Variants in RHBDD1 observed in about 807,000 individuals in gnomAD.
The protein encoded by RHBDD1 is rhomboid-related protein 4.
RHBDD1 carries 38 observed loss-of-function variants against 36.3 expected under a neutral mutation model. The ratio of observed to expected loss-of-function variants is 1.05; its 90% CI spans 0.81 to 1.37. The LOEUF is 1.37. Ranked by LOEUF, RHBDD1 falls within the 40% of genes most tolerant of loss-of-function variation. The pLI is 0.00. For missense variants in RHBDD1, 393 were observed against 377.6 expected (o/e 1.04, Z -0.34); for synonymous variants, 151 against 136.5 (o/e 1.11, Z -0.74).
intron 5 of RHBDD1, among the ~76,000 whole-genome samples, chr2:226,881,988 T>C (rs920017215): frequency 2.0e-5 from 3 of 152,228 alleles, no homozygotes; most frequent in South Asian, 4.1e-4. Context: ...TATATAGTAA[T>C]AGACCTTAAC....
the RHBDD1 span, among the ~76,000 whole-genome samples, chr2:226,814,170 G>T: frequency 2.6e-5 from 4 of 152,130 alleles, no homozygotes; most frequent in South Asian, 8.3e-4. Flanking sequence ...ATGTGGACTC[G>T]AGTAAAGTGA....
At chr2:226,930,218 A>G (rs1457652082) in intron 8 of RHBDD1, among the ~76,000 whole-genome samples, 1 of 152,100 alleles carries the variant, frequency 6.6e-6, no homozygotes, top group Admixed American at 6.6e-5. Flanking sequence ...CGAAGCAAAA[A>G]GAACAATCCA....
chr2:226,870,766 T>C (rs1409143258), intron 5 of RHBDD1, among the ~76,000 whole-genome samples: 1 of 152,142 alleles, frequency 6.6e-6, no homozygotes, highest in Non-Finnish European at 1.5e-5. Flanking sequence ...GAAAATAAAA[T>C]GTTATTAAGA....
At chr2:226,862,461 T>C (rs1465462852) in intron 3 of RHBDD1, among the ~76,000 whole-genome samples, 2 of 151,996 alleles carry the variant, frequency 1.3e-5, no homozygotes, top group African/African-American at 4.8e-5. Flanking sequence ...TGGGGGCCAA[T>C]TAATCTCCAC....
At chr2:226,838,882 A>T (rs1941303563) in intron 2 of RHBDD1, among the ~76,000 whole-genome samples, 1 of 152,238 alleles carries the variant, frequency 6.6e-6, no homozygotes, top group South Asian at 2.1e-4. Flanking sequence ...GGATGTTTAC[A>T]GCAAGGTAAA....
chr2:226,970,402 C>G (rs979780454), intron 8 of RHBDD1, among the ~76,000 whole-genome samples: 12 of 152,072 alleles, frequency 7.9e-5, no homozygotes, highest in South Asian at 2.1e-4. Flanking sequence ...TTTTTTCCCC[C>G]CTTTTTAACC....
chr2:226,926,634 A>G (rs1949688991), intron 8 of RHBDD1, among the ~76,000 whole-genome samples: 1 of 152,180 alleles, frequency 6.6e-6, no homozygotes, highest in Non-Finnish European at 1.5e-5. Context: ...TGTTCTTCAG[A>G]TTGCATCAGG....
At chr2:226,901,401 A>G (rs1400553273) in intron 5 of RHBDD1, among the ~76,000 whole-genome samples, 2 of 152,196 alleles carry the variant, frequency 1.3e-5, no homozygotes, top group East Asian at 3.8e-4. Context: ...ATATATGCAG[A>G]AGTAGAATTG....
intron 8 of RHBDD1, among the ~76,000 whole-genome samples, chr2:226,958,230 A>G (rs191858610): frequency 1.3e-5 from 2 of 152,360 alleles, no homozygotes; most frequent in African/African-American, 2.4e-5. Flanking sequence ...ACAGGCTACA[A>G]TGTGGATGAA....
chr2:226,979,147 G>A (rs944756849), intron 8 of RHBDD1, among the ~76,000 whole-genome samples: 5 of 152,160 alleles, frequency 3.3e-5, no homozygotes, highest in East Asian at 1.9e-4. Flanking sequence ...GCAGCCGTCA[G>A]TCTGAGGCCC....
the RHBDD1 span, among the ~76,000 whole-genome samples, chr2:226,802,015 C>T: frequency 6.6e-6 from 1 of 151,934 alleles, no homozygotes; most frequent in African/African-American, 2.4e-5. Flanking sequence ...TACCTCCGTC[C>T]CTCCACCCCC....
intron 8 of RHBDD1, among the ~76,000 whole-genome samples, chr2:226,940,666 C>T (rs1181931985): frequency 6.6e-6 from 1 of 152,056 alleles, no homozygotes; most frequent in East Asian, 1.9e-4. Flanking sequence ...GTGAGATAGG[C>T]AGTACTGTTT....
intron 5 of RHBDD1, among the ~76,000 whole-genome samples, chr2:226,886,140 A>G (rs1157650326): frequency 6.6e-6 from 1 of 152,192 alleles, no homozygotes; most frequent in Non-Finnish European, 1.5e-5. Flanking sequence ...CTACCATAGC[A>G]CCCTATTTTT....
chr2:226,998,685 C>G lies in RHBDD1; in HGVS notation c.*3163C>G, dbSNP rs1293631837. 6.6e-6 allele frequency: 1 copy of G among 152,054 alleles called. No homozygotes were observed. Among genetic ancestry groups the G allele is most frequent in the Non-Finnish European group, 1.5e-5 (1 of 68,020 alleles). 9.4% of individuals were successfully genotyped at this position (152,054 alleles called of 1,614,324 possible). On this transcript the variant is annotated 3_prime_UTR_variant, in exon 9 of 9. Transcript: ENST00000392062. The stretch of plus-strand genomic sequence containing the variant: ...TGCTCTGTTCAATACTTAACAATAC[C>G]TCCTCACTCAATTCTACATAACTCC...
chr2:226,914,811 G>A (rs1226434080), intron 8 of RHBDD1, among the ~76,000 whole-genome samples: 4 of 152,094 alleles, frequency 2.6e-5, no homozygotes, highest in East Asian at 1.9e-4. Context: ...CTGTCTGGGG[G>A]TAGAGCCTAG....
At chr2:226,841,179 T>C (rs1403869649) in intron 3 of RHBDD1, among the ~76,000 whole-genome samples, 2 of 152,096 alleles carry the variant, frequency 1.3e-5, no homozygotes, top group Admixed American at 1.3e-4. Context: ...GTTACCTAGA[T>C]TGGAGTGCAG....
chr2:226,912,584 G>A (rs763787244), intron 7 of RHBDD1, among the ~76,000 whole-genome samples: 1 of 152,074 alleles, frequency 6.6e-6, no homozygotes, highest in Non-Finnish European at 1.5e-5. Context: ...AATATACTAA[G>A]TGAAATAAGC....
the RHBDD1 span, among the ~76,000 whole-genome samples, chr2:226,802,561 G>C: frequency 6.6e-6 from 1 of 152,100 alleles, no homozygotes; most frequent in African/African-American, 2.4e-5. Flanking sequence ...AGCAGGTATG[G>C]GTATTATTCT....
chr2:226,990,499 T>C (rs1385336098), intron 8 of RHBDD1, among the ~76,000 whole-genome samples: 1 of 152,218 alleles, frequency 6.6e-6, no homozygotes, highest in Non-Finnish European at 1.5e-5. Context: ...AGTGCGTTCA[T>C]CAGATCATGG....
Sources: gnomAD v4.1 joint callset for allele counts (sites outside exome capture counted in the v4.1 genomes callset) on GRCh38, gnomAD v4.1.1 for gene constraint, MANE v1.5 for transcripts, NCBI Gene and HGNC (gene_info 2026-07-23, HGNC 2026-07-21) for gene names.